Variants in CREB3L2 observed in about 807,000 individuals in gnomAD.
CREB3L2 encodes cyclic AMP-responsive element-binding protein 3-like protein 2.
CREB3L2 carries 23 observed loss-of-function variants against 57.2 expected under a neutral mutation model. The observed-to-expected ratio is 0.40, with a 90% CI of 0.29 to 0.57. CREB3L2 has a LOEUF of 0.57. Among genes scored for constraint, CREB3L2 ranks in the 20% least tolerant of loss-of-function variants. The pLI is 0.42. For synonymous variants in CREB3L2, 268 were observed against 265.1 expected (o/e 1.01, Z -0.11); for missense variants, 628 against 634.7 (o/e 0.99, Z 0.11).
At chr7:137,948,389 G>A (rs991852782) in intron 1 of CREB3L2, among the ~76,000 whole-genome samples, 1 of 152,128 alleles carries the variant, frequency 6.6e-6, no homozygotes, top group Non-Finnish European at 1.5e-5. Flanking sequence ...TAGTAGCCAG[G>A]GGGACATTAT....
chr7:137,949,306 C>T (rs896432302), intron 1 of CREB3L2, among the ~76,000 whole-genome samples: 1 of 152,260 alleles, frequency 6.6e-6, no homozygotes, highest in Middle Eastern at 3.4e-3. Flanking sequence ...TTCCCACAGA[C>T]GTTTAAAAAA....
chr7:137,954,013 T>C (rs1000253035), intron 1 of CREB3L2, among the ~76,000 whole-genome samples: 4 of 152,184 alleles, frequency 2.6e-5, no homozygotes, highest in African/African-American at 9.6e-5. Context: ...AAATTCTTCA[T>C]GTCATTCTTC....
intron 1 of CREB3L2, chr7:137,957,828 C>T: frequency 1.6e-6 from 2 of 1,247,126 alleles, no homozygotes; most frequent in Non-Finnish European, 2.1e-6. Flanking sequence ...GGTATTAATT[C>T]ATCAATAAGC....
intron 1 of CREB3L2, among the ~76,000 whole-genome samples, chr7:137,969,340 C>CTTTTTT (rs71177936): frequency 3.9e-5 from 3 of 77,044 alleles, no homozygotes; most frequent in African/African-American, 5.5e-5. Context: ...TTATGATCTT[C>CTTTTTT]TTTTTTTTTT....
rs531984568 is a variant in CREB3L2, at chr7:137,903,573, C to G, written c.974+386G>C. Among the ~76,000 whole-genome samples the G allele has an allele frequency of 8.6e-5, 13 of 152,030 alleles. No individual in the cohort carries two copies. In the South Asian group the frequency reaches 2.3e-3, roughly 27 times the overall value. On this transcript the variant is annotated intron_variant, in intron 7 of 11. Coordinates refer to ENST00000330387, the MANE Select transcript of CREB3L2 (RefSeq NM_194071.4). ...CTTTCCCTATGTGCCCTCTCTAGAG[C>G]ATGAAGGAGTGTGGCCAATGGGGGC...
intron 1 of CREB3L2, among the ~76,000 whole-genome samples, chr7:137,945,555 C>A (rs1800957489): frequency 6.6e-6 from 1 of 152,206 alleles, no homozygotes; most frequent in Non-Finnish European, 1.5e-5. Flanking sequence ...TTGGTAGGCA[C>A]AGGCCTAAAA....
chr7:137,979,891 T>C (rs957272912), intron 1 of CREB3L2, among the ~76,000 whole-genome samples: 17 of 152,098 alleles, frequency 1.1e-4, no homozygotes. Context: ...GTAGAACAGA[T>C]CCCCAAGAAG....
intron 1 of CREB3L2, among the ~76,000 whole-genome samples, chr7:137,932,577 AAACAAC>A (rs564690931): frequency 1.3e-5 from 2 of 152,032 alleles, no homozygotes; most frequent in Non-Finnish European, 2.9e-5. Flanking sequence ...TACAAAAAAT[AAACAAC>A]AACAACAACA....
intron 8 of CREB3L2, among the ~76,000 whole-genome samples, chr7:137,900,976 C>A (rs1355148415): frequency 2.6e-5 from 4 of 152,140 alleles, no homozygotes; most frequent in Non-Finnish European, 5.9e-5. Context: ...CTCCAAGCCT[C>A]TTTTTTAACC....
At chr7:137,977,816 G>C (rs1273718234) in intron 1 of CREB3L2, among the ~76,000 whole-genome samples, 1 of 152,120 alleles carries the variant, frequency 6.6e-6, no homozygotes, top group African/African-American at 2.4e-5. Flanking sequence ...AGTTACTGGG[G>C]AGGCTGAGGC....
At chr7:137,965,126 T>C (rs1022618288) in intron 1 of CREB3L2, among the ~76,000 whole-genome samples, 2 of 152,152 alleles carry the variant, frequency 1.3e-5, no homozygotes, top group East Asian at 3.8e-4. Flanking sequence ...ACAAAATAGA[T>C]AAAGAAACTG....
Position 137,908,331 on chromosome 7 carries a change from G to A in CREB3L2, c.689C>T (p.Pro230Leu), listed in dbSNP as rs575391409. 1.4e-5 allele frequency: 17 copies of A among 1,257,654 alleles called. No individual in the cohort carries two copies. In the Admixed American group the frequency reaches 4.2e-4, roughly 31 times the overall value. The allele number at this position is 1,257,654 out of a possible 1,614,324, so 77.9% of individuals were successfully genotyped here. A position where few individuals can be genotyped will look rare whatever the true frequency, so the allele number is the denominator to read the frequency against. Residue 230 changes from proline to leucine, a missense_variant, in exon 5 of 12, where the codon CCT becomes CTT. Transcript: ENST00000330387. ...AGCTCTGGAGGGGCTGTGGGTCTGA[G>A]GCAGGCTGAAGGGGTGCAGGCGTGG... ...PNPRLHPFSL[P>L]QTHSPSRAAP...
Position 137,915,965 on chromosome 7 carries a change from T to C in CREB3L2, c.367A>G (p.Thr123Ala), listed in dbSNP as rs1800121418. The part of the protein sequence containing the change: ...KWYLSTDFPS[T>A]SIKTEPVTDE... ...GTAACTGGCTCTGTCTTGATGGATG[T>C]TGAAGGGAAGTCTGTAGACAGGTAC... Residue 123 changes from threonine to alanine, a missense_variant, in exon 3 of 12, where the codon ACA (threonine) becomes GCA (alanine). Thr to Ala is a moderately conservative substitution (Grantham distance 58). Coordinates refer to ENST00000330387, the MANE Select transcript of CREB3L2 (RefSeq NM_194071.4). The C allele has an allele frequency of 2.5e-6, 4 of 1,613,868 alleles. No homozygotes were observed. The highest frequency in any genetic ancestry group is 3.3e-4 in the Middle Eastern group (2 of 6,084).
intron 1 of CREB3L2, among the ~76,000 whole-genome samples, chr7:137,946,530 C>T (rs1306061268): frequency 6.6e-6 from 1 of 151,538 alleles, no homozygotes; most frequent in Non-Finnish European, 1.5e-5. Flanking sequence ...CACCTAACTG[C>T]AGGTTGGTGA....
At chr7:137,925,663 A>T (rs112833403) in intron 2 of CREB3L2, among the ~76,000 whole-genome samples, 83 of 152,306 alleles carry the variant, frequency 5.4e-4, no homozygotes, top group African/African-American at 1.9e-3. Context: ...GAATAAAATA[A>T]TTCTGTTCCC....
chr7:137,885,356 G>C (rs1377978577), intron 9 of CREB3L2, 47 bp downstream of exon 9: 2 of 1,497,962 alleles, frequency 1.3e-6, no homozygotes, highest in African/African-American at 1.4e-5. Flanking sequence ...GGGGAGACAG[G>C]GGCCAGGCCA....
chr7:137,920,758 T>A (rs273951), intron 2 of CREB3L2, among the ~76,000 whole-genome samples: 74,207 of 152,042 alleles, frequency 0.49, 19,891 homozygotes, highest in East Asian at 0.72. Context: ...TGACTTCATA[T>A]GAAGAAAGTC....
At chr7:137,944,585 G>A (rs1029478858) in intron 1 of CREB3L2, among the ~76,000 whole-genome samples, 4 of 152,154 alleles carry the variant, frequency 2.6e-5, no homozygotes. Flanking sequence ...AGATATCCCT[G>A]AATTGTGATC....
chr7:137,981,442 A>T (rs1454757786), intron 1 of CREB3L2, among the ~76,000 whole-genome samples: 1 of 152,252 alleles, frequency 6.6e-6, no homozygotes, highest in Non-Finnish European at 1.5e-5. Flanking sequence ...GTCAAATAAA[A>T]TTCAACATGG....
Sources: allele counts gnomAD v4.1 joint callset (sites outside exome capture counted in the v4.1 genomes callset), GRCh38; gene constraint gnomAD v4.1.1; transcripts MANE v1.5; gene names NCBI Gene and HGNC (gene_info 2026-07-23, HGNC 2026-07-21).